Variants in PSD3 observed in about 807,000 individuals in gnomAD.
PSD3 encodes pleckstrin and Sec7 domain containing 3.
Under a neutral mutation model 105.5 loss-of-function variants are expected in PSD3, and 49 were observed. The observed-to-expected ratio is 0.46, with a 90% CI of 0.37 to 0.59. The LOEUF (loss-of-function observed/expected upper bound fraction) is 0.59. PSD3 is among the 20% of genes least tolerant of loss of function. PSD3 has a pLI of 0.00. For missense variants in PSD3, 1,561 were observed against 1,263.8 expected (o/e 1.24, Z -3.57); for synonymous variants, 557 against 457.8 (o/e 1.22, Z -2.77).
At chr8:18,610,001 C>T (rs974822508) in intron 11 of PSD3, among the ~76,000 whole-genome samples, 14 of 152,168 alleles carry the variant, frequency 9.2e-5, no homozygotes, top group Admixed American at 7.2e-4. Flanking sequence ...TTTATAGCAG[C>T]GTGGTAGCAC....
intron 14 of PSD3, among the ~76,000 whole-genome samples, chr8:18,560,980 A>G (rs1801361247): frequency 6.6e-6 from 1 of 152,132 alleles, no homozygotes; most frequent in African/African-American, 2.4e-5. Context: ...GTGAGGATAC[A>G]ACATTTATCC....
At chr8:18,698,832 T>A (rs528719991) in intron 9 of PSD3, among the ~76,000 whole-genome samples, 2 of 152,338 alleles carry the variant, frequency 1.3e-5, no homozygotes, top group South Asian at 4.1e-4. Context: ...GTGTTAGCTT[T>A]TATATGCAGG....
intron 9 of PSD3, among the ~76,000 whole-genome samples, chr8:18,671,984 T>C (rs183988144): frequency 2.4e-3 from 366 of 152,304 alleles, no homozygotes; most frequent in Non-Finnish European, 4.4e-3. Context: ...AATTTATCAA[T>C]TTATCAAAAA....
At chr8:18,806,956 CAG>C (rs1419739377) in intron 4 of PSD3, among the ~76,000 whole-genome samples, 1 of 152,174 alleles carries the variant, frequency 6.6e-6, no homozygotes, top group Non-Finnish European at 1.5e-5. Flanking sequence ...ATCCTTAAGA[CAG>C]TGGTAACGAC....
intron 9 of PSD3, among the ~76,000 whole-genome samples, chr8:18,673,895 G>C (rs60959047): frequency 6.6e-6 from 1 of 152,028 alleles, no homozygotes; most frequent in Non-Finnish European, 1.5e-5. Flanking sequence ...TAATCCCAAC[G>C]ATTTGGGAGG....
At chr8:18,657,639 C>T (rs1808999205) in intron 9 of PSD3, among the ~76,000 whole-genome samples, 1 of 151,060 alleles carries the variant, frequency 6.6e-6, no homozygotes, top group African/African-American at 2.4e-5. Context: ...GGAGGCTGAA[C>T]ACCTATGGAA....
chr8:19,014,400 G>C (rs551350930), upstream of PSD3: 1 of 152,418 alleles, frequency 6.6e-6, no homozygotes, highest in Non-Finnish European at 1.5e-5. The surrounding 1 kb of genome is among the most constrained non-coding windows in gnomAD (Gnocchi z 4.9). Context: ...GTGCGTGCGC[G>C]GGGAGAGGTC....
At chr8:18,607,096 G>A (rs1176611367) in intron 11 of PSD3, among the ~76,000 whole-genome samples, 2 of 152,146 alleles carry the variant, frequency 1.3e-5, no homozygotes, top group Non-Finnish European at 2.9e-5. Flanking sequence ...TGCTACTCCT[G>A]TGAGGTGGGC....
chr8:18,856,530 T>A (rs973935790), intron 4 of PSD3, among the ~76,000 whole-genome samples: 83 of 152,190 alleles, frequency 5.5e-4, no homozygotes, highest in Non-Finnish European at 1.9e-4. Flanking sequence ...GAATGCCAAC[T>A]ACGAATAATG....
chr8:18,817,601 G>A (rs568534821), intron 4 of PSD3, among the ~76,000 whole-genome samples: 6 of 152,336 alleles, frequency 3.9e-5, no homozygotes, highest in African/African-American at 1.4e-4. Context: ...TCGTCTCAAT[G>A]CAGCTATCAA....
chr8:18,881,943 C>G (rs1024196596), intron 2 of PSD3, among the ~76,000 whole-genome samples: 2 of 152,148 alleles, frequency 1.3e-5, no homozygotes, highest in Admixed American at 1.3e-4. Flanking sequence ...TGAGGTGGCT[C>G]ACGCCTGTAA....
chr8:18,997,135 C>G (rs922226673), intron 1 of PSD3, among the ~76,000 whole-genome samples: 3 of 151,852 alleles, frequency 2.0e-5, no homozygotes, highest in African/African-American at 7.3e-5. Flanking sequence ...TGGATTTCAT[C>G]CAGTTTGTAT....
At chr8:18,592,684 TCAAAAAAA>T (rs1043482763) in intron 12 of PSD3, among the ~76,000 whole-genome samples, 1 of 151,344 alleles carries the variant, frequency 6.6e-6, no homozygotes, top group African/African-American at 2.4e-5. Flanking sequence ...TTCAAGGTGC[TCAAAAAAA>T]CAAACAAACA....
intron 14 of PSD3, among the ~76,000 whole-genome samples, chr8:18,564,730 A>G (rs1801623651): frequency 6.6e-6 from 1 of 152,038 alleles, no homozygotes; most frequent in Non-Finnish European, 1.5e-5. Flanking sequence ...AAGCAACTAC[A>G]AGAATGACCT....
intron 9 of PSD3, among the ~76,000 whole-genome samples, chr8:18,680,894 T>C (rs577524448): frequency 2.7e-4 from 41 of 152,308 alleles, no homozygotes; most frequent in Middle Eastern, 3.4e-3. Flanking sequence ...AAAGCAAAAC[T>C]TCTAATCCTT....
Position 19,059,631 on chromosome 8 carries a change from A to T in PSD3, c.324+24575T>A, listed in dbSNP as rs79130937. On this transcript the variant is annotated intron_variant, in intron 1 of 1. Transcript: ENST00000521475. ...ATTATGAGAACAAAAGTTTGCTATC[A>T]GTTAGTCAAGAAATTTAAAAAATTT... is the stretch of plus-strand genomic sequence containing the variant. Among the ~76,000 whole-genome samples the T allele has an allele frequency of 1.9e-3, 283 of 152,352 alleles. 4 individuals carry two copies. The East Asian group carries it at 0.04, about 21-fold the overall frequency.
intron 12 of PSD3, among the ~76,000 whole-genome samples, chr8:18,590,522 T>C (rs1018586317): frequency 1.3e-5 from 2 of 152,194 alleles, no homozygotes; most frequent in African/African-American, 4.8e-5. Flanking sequence ...CACAAACTTC[T>C]GTAAGGAATG....
intron 10 of PSD3, among the ~76,000 whole-genome samples, chr8:18,642,131 A>G (rs1256041399): frequency 6.6e-6 from 1 of 152,176 alleles, no homozygotes; most frequent in African/African-American, 2.4e-5. Context: ...TAAATAAAGG[A>G]TCTGACCATA....
chr8:19,083,706 G>A (rs564376953), intron 1 of PSD3, among the ~76,000 whole-genome samples: 1 of 152,320 alleles, frequency 6.6e-6, no homozygotes, highest in African/African-American at 2.4e-5. Context: ...TGCCCATTCT[G>A]GAGAACAAGC....
Sources: allele counts gnomAD v4.1 joint callset (sites outside exome capture counted in the v4.1 genomes callset), GRCh38; gene constraint gnomAD v4.1.1; non-coding constraint Gnocchi (gnomAD v3.1); transcripts MANE v1.5; gene names NCBI Gene and HGNC (gene_info 2026-07-23, HGNC 2026-07-21).